The following NEO1 variants were observed in gnomAD, a reference collection of about 807,000 sequenced individuals.
NEO1 encodes the protein neogenin 1.
A neutral mutation model predicts 159.7 loss-of-function variants in NEO1; 63 were observed. That is an observed-to-expected ratio of 0.39 (90% CI 0.32 to 0.49). NEO1 has a LOEUF of 0.49. Among genes scored for constraint, NEO1 ranks in the 20% least tolerant of loss-of-function variants. The pLI is 0.85. For synonymous variants in NEO1, 633 were observed against 662.0 expected, an observed-to-expected ratio of 0.96 and a Z score of 0.67; for missense variants, 1,615 against 1,831.0, an observed-to-expected ratio of 0.88 and a Z score of 2.15.
At chr15:73,120,997 C>A (rs1475707732) in intron 2 of NEO1, among the ~76,000 whole-genome samples, 1 of 152,030 alleles carries the variant, frequency 6.6e-6, no homozygotes, top group Non-Finnish European at 1.5e-5. Context: ...CATATTTTTT[C>A]GGAGCCAGTA....
At chr15:73,257,511 C>T (rs1194862033) in intron 13 of NEO1, among the ~76,000 whole-genome samples, 2 of 152,172 alleles carry the variant, frequency 1.3e-5, no homozygotes, top group Non-Finnish European at 2.9e-5. Flanking sequence ...ACTCTTAAAG[C>T]ATTAACTTGA....
At chr15:73,155,114 T>C (rs1434153055) in intron 5 of NEO1, among the ~76,000 whole-genome samples, 1 of 152,136 alleles carries the variant, frequency 6.6e-6, no homozygotes, top group African/African-American at 2.4e-5. Flanking sequence ...GCTGGTTTGG[T>C]GGTGATAAAT....
At chr15:73,297,578 G>C (rs2042424048) in intron 26 of NEO1, among the ~76,000 whole-genome samples, 1 of 152,168 alleles carries the variant, frequency 6.6e-6, no homozygotes, top group African/African-American at 2.4e-5. Flanking sequence ...ACAAAGATTG[G>C]AGTCCAGGTC....
chr15:73,184,921 C>G (rs1157705260), intron 7 of NEO1, among the ~76,000 whole-genome samples: 1 of 151,794 alleles, frequency 6.6e-6, no homozygotes, highest in Non-Finnish European at 1.5e-5. Context: ...GAGTGAGACT[C>G]TGTCTCAAAA....
intron 7 of NEO1, among the ~76,000 whole-genome samples, chr15:73,222,943 T>C (rs1283776862): frequency 3.3e-5 from 5 of 152,224 alleles, no homozygotes; most frequent in African/African-American, 4.8e-5. Flanking sequence ...TAGCACTCCC[T>C]TTGCTGTATC....
chr15:73,262,549 A>G (rs1035030333), intron 15 of NEO1, among the ~76,000 whole-genome samples: 6 of 152,208 alleles, frequency 3.9e-5, no homozygotes, highest in Admixed American at 2.0e-4. Flanking sequence ...TAAACCCACA[A>G]TGAAATGCTA....
chr15:73,207,062 GA>G lies in NEO1; in HGVS notation c.1291+28636del, dbSNP rs576382484. On this transcript the variant is annotated intron_variant, in intron 7 of 28. Coordinates refer to ENST00000261908, the MANE Select transcript of NEO1 (RefSeq NM_002499.4). ...CAAGTAGTTGTTTCTGTAATTTTAA[GA>G]GATTTTGGTTGGAAAGGAAGGTAGA... Among the ~76,000 whole-genome samples, 13 of 152,262 alleles carry G rather than the reference GA, an allele frequency of 8.5e-5. 1 individual carries two copies. The East Asian group carries it at 2.5e-3, about 29-fold the overall frequency.
intron 5 of NEO1, among the ~76,000 whole-genome samples, chr15:73,164,121 A>G (rs577056815): frequency 1.0e-3 from 150 of 147,370 alleles, no homozygotes; most frequent in African/African-American, 3.6e-3. Context: ...TCTGCCTCCC[A>G]TGTTCAAGCG....
At chr15:73,089,638 T>G (rs1166289202) in intron 1 of NEO1, among the ~76,000 whole-genome samples, 1 of 152,128 alleles carries the variant, frequency 6.6e-6, no homozygotes, top group Non-Finnish European at 1.5e-5. Flanking sequence ...TGGTCAACAT[T>G]TAAAGGCTTC....
At chr15:73,199,298 T>A (rs1162983335) in intron 7 of NEO1, among the ~76,000 whole-genome samples, 11 of 151,894 alleles carry the variant, frequency 7.2e-5, no homozygotes, top group Middle Eastern at 3.4e-3. Flanking sequence ...CAACGTGACT[T>A]ATCACTATAG....
chr15:73,059,502 A>T (rs140719770), intron 1 of NEO1, among the ~76,000 whole-genome samples: 13 of 152,310 alleles, frequency 8.5e-5, no homozygotes, highest in Admixed American at 8.5e-4. Context: ...TTTATCTTTG[A>T]GGGCTAATTA....
At chr15:73,248,733 C>G (rs2039926981) in intron 9 of NEO1, among the ~76,000 whole-genome samples, 1 of 152,164 alleles carries the variant, frequency 6.6e-6, no homozygotes, top group South Asian at 2.1e-4. Context: ...CTATTCATCA[C>G]TGTATCCCTA....
At chr15:73,168,821 A>G (rs144315718) in intron 5 of NEO1, among the ~76,000 whole-genome samples, 3 of 152,166 alleles carry the variant, frequency 2.0e-5, no homozygotes, top group Admixed American at 1.3e-4. Context: ...TAGACTGTCA[A>G]ACAAAATCCC....
chr15:73,093,979 C>A (rs75730061), intron 1 of NEO1, among the ~76,000 whole-genome samples: 4,575 of 152,250 alleles, frequency 0.03, 105 homozygotes, highest in Non-Finnish European at 0.049. Flanking sequence ...TTGGGCACTA[C>A]AACATGCTCC....
At chr15:73,187,736 C>G (rs561365681) in intron 7 of NEO1, among the ~76,000 whole-genome samples, 1 of 152,138 alleles carries the variant, frequency 6.6e-6, no homozygotes, top group African/African-American at 2.4e-5. Flanking sequence ...GCACAGTTTG[C>G]GAATCTCAAT....
chr15:73,213,703 A>G (rs1040802270), intron 7 of NEO1, among the ~76,000 whole-genome samples: 4 of 152,186 alleles, frequency 2.6e-5, no homozygotes, highest in Non-Finnish European at 5.9e-5. Context: ...ACGATTTTAC[A>G]GTTGCGAATT....
intron 1 of NEO1, among the ~76,000 whole-genome samples, chr15:73,107,566 A>T (rs1339569653): frequency 6.6e-6 from 1 of 152,226 alleles, no homozygotes; most frequent in African/African-American, 2.4e-5. Context: ...ACAAAGAAGT[A>T]TCAGTTAGTT....
intron 5 of NEO1, among the ~76,000 whole-genome samples, chr15:73,172,863 A>T (rs966278754): frequency 6.6e-6 from 1 of 152,172 alleles, no homozygotes; most frequent in Non-Finnish European, 1.5e-5. Flanking sequence ...GTCAAAGCAG[A>T]GGGGACTTTC....
At chr15:73,287,539 G>T (rs2041992856) in intron 23 of NEO1, among the ~76,000 whole-genome samples, 2 of 152,178 alleles carry the variant, frequency 1.3e-5, no homozygotes, top group African/African-American at 2.4e-5. Context: ...AGACATTGTT[G>T]TCCCCATTCT....
Sources: allele counts gnomAD v4.1 joint callset (sites outside exome capture counted in the v4.1 genomes callset), GRCh38; gene constraint gnomAD v4.1.1; transcripts MANE v1.5; gene names NCBI Gene and HGNC (gene_info 2026-07-23, HGNC 2026-07-21).